Variants in CERS4 observed in about 807,000 individuals in gnomAD.
The protein encoded by CERS4 is LAG1 homolog, ceramide synthase 4.
Under a neutral mutation model 51.8 loss-of-function variants are expected in CERS4, and 65 were observed. The observed-to-expected ratio is 1.26, with a 90% CI of 1.03 to 1.54. The LOEUF is 1.54. Ranked by LOEUF, CERS4 falls within the 40% of genes most tolerant of loss-of-function variation. CERS4 has a pLI of 0.00. For synonymous variants in CERS4, 228 were observed against 208.4 expected, an observed-to-expected ratio of 1.09 and a Z score of -0.81; for missense variants, 563 against 500.4, an observed-to-expected ratio of 1.13 and a Z score of -1.19.
At chr19:8,223,759 C>T (rs1172337415) in intron 2 of CERS4, among the ~76,000 whole-genome samples, 1 of 152,040 alleles carries the variant, frequency 6.6e-6, no homozygotes, top group African/African-American at 2.4e-5. Context: ...GCACTCCAGC[C>T]TGGGCAACAA....
At chr19:8,245,526 T>C (rs1320388293) in intron 2 of CERS4, among the ~76,000 whole-genome samples, 2 of 151,150 alleles carry the variant, frequency 1.3e-5, no homozygotes, top group African/African-American at 4.9e-5. Context: ...GGGGTTATGG[T>C]ATTTTTATTT....
At chr19:8,238,708 C>A in intron 2 of CERS4, 1 of 547,700 alleles carries the variant, frequency 1.8e-6, no homozygotes, top group Non-Finnish European at 2.3e-6. Context: ...GGGAATGGTT[C>A]CAAGAAGATG....
chr19:8,261,159 A>C (rs1969678559), intron 10 of CERS4: 2 of 155,154 alleles, frequency 1.3e-5, no homozygotes, highest in African/African-American at 2.4e-5. Flanking sequence ...GTGGGAGACA[A>C]AGCCCCACCT....
intron 2 of CERS4, chr19:8,238,562 A>G (rs1443028403): frequency 1.0e-6 from 1 of 985,242 alleles, no homozygotes; most frequent in Non-Finnish European, 1.2e-6. Context: ...CAGAAGGGTA[A>G]GGAGGTGGAG....
rs149089779 is a variant in CERS4, at chr19:8,257,921, G to A, written c.784G>A (p.Asp262Asn). 454 of 1,614,016 alleles carry A rather than the reference G, an allele frequency of 2.8e-4. No individual in the cohort carries two copies. Among genetic ancestry groups the A allele is most frequent in the Middle Eastern group, 1.5e-3 (9 of 6,062 alleles). Residue 262 changes from aspartate (D) to asparagine (N), a missense_variant, in exon 10 of 12, where the codon GAC (aspartate) becomes AAC (asparagine). By Grantham distance (23) the Asp-to-Asn change is conservative (BLOSUM62 1). Transcript: ENST00000251363. ...CTACATGCAGTATCAGCAAGTGTGCGACGCTCTCTTCCTCATCTTCTCCTT... is the reference window on the plus strand; with the variant it reads ...CTACATGCAGTATCAGCAAGTGTGCAACGCTCTCTTCCTCATCTTCTCCTT... ...VNYMQYQQVC[D>N]ALFLIFSFVF...
At chr19:8,224,499 C>G (rs958127077) in intron 2 of CERS4, among the ~76,000 whole-genome samples, 2 of 151,728 alleles carry the variant, frequency 1.3e-5, no homozygotes, top group South Asian at 2.1e-4. Flanking sequence ...CCCAGCCCAG[C>G]GGCGATTGGT....
chr19:8,256,602 T>C lies in CERS4; in HGVS notation c.520-16T>C, dbSNP rs974673905. The C allele has an allele frequency of 4.1e-5, 66 of 1,606,144 alleles. No homozygotes were observed. Among genetic ancestry groups the C allele is most frequent in the Non-Finnish European group, 5.5e-5 (65 of 1,176,704 alleles). ...CCTTCGCTCCCCACAGCTAACCTTG[T>C]CCTGTCCTGCTGCAGACTCTGAAGC... On this transcript the variant is annotated splice_polypyrimidine_tract_variant and intron_variant, in intron 7 of 11. Transcript: ENST00000251363.
chr19:8,219,534 G>C lies in CERS4; in HGVS notation c.-2+8672G>C, dbSNP rs576620847. ...ATATATTTTAAAATTAGCTGGGTGAGGGCTGGGCACAGTGGCTTATGCCTG... is the reference window on the plus strand; with the variant it reads ...ATATATTTTAAAATTAGCTGGGTGACGGCTGGGCACAGTGGCTTATGCCTG... On this transcript the variant is annotated intron_variant, in intron 2 of 11. Coordinates refer to ENST00000251363, the MANE Select transcript of CERS4 (RefSeq NM_024552.3). Among the ~76,000 whole-genome samples, 5 of 151,934 alleles carry C rather than the reference G, an allele frequency of 3.3e-5. No homozygotes were observed. The South Asian group carries it at 1.0e-3, about 32-fold the overall frequency.
At chr19:8,236,526 A>G (rs553925460) in intron 2 of CERS4, among the ~76,000 whole-genome samples, 2 of 151,138 alleles carry the variant, frequency 1.3e-5, no homozygotes, top group African/African-American at 4.9e-5. Context: ...AAAAAGTACA[A>G]AAATTAGCTG....
chr19:8,255,473 C>T, intron 4 of CERS4, 134 bp from the exon 5 acceptor site: 1 of 775,830 alleles, frequency 1.3e-6, no homozygotes, highest in Non-Finnish European at 2.2e-6. Flanking sequence ...CACTGCCCCT[C>T]CATATAGACA....
intron 2 of CERS4, among the ~76,000 whole-genome samples, chr19:8,246,206 TAGG>T (rs897345439): frequency 1.3e-5 from 2 of 152,040 alleles, no homozygotes; most frequent in African/African-American, 4.8e-5. Flanking sequence ...ATATTTGTGA[TAGG>T]AGACTGGATT....
rs369662907 is a variant in CERS4 at position 8,235,991 on chromosome 19, C to T, written c.-1-15085C>T. On this transcript the variant is annotated intron_variant, in intron 2 of 11. Transcript: ENST00000251363. Reference sequence around the variant, plus strand: ...CGGGCAGATCACGAGGTCAGGAGATCAAGACCATCCTGGCTAACACGGTGA... The same window carrying T: ...CGGGCAGATCACGAGGTCAGGAGATTAAGACCATCCTGGCTAACACGGTGA... Among the ~76,000 whole-genome samples, 76 of 152,002 alleles carry T rather than the reference C, an allele frequency of 5.0e-4. 2 individuals carry two copies. The South Asian group carries it at 0.015, about 29-fold the overall frequency.
intron 2 of CERS4, among the ~76,000 whole-genome samples, chr19:8,230,779 T>A (rs1312571836): frequency 6.6e-6 from 1 of 152,222 alleles, no homozygotes; most frequent in Non-Finnish European, 1.5e-5. Flanking sequence ...AAACAGTGAA[T>A]TTTTAAATTT....
chr19:8,215,199 C>T (rs1967246713), intron 2 of CERS4, among the ~76,000 whole-genome samples: 1 of 152,002 alleles, frequency 6.6e-6, no homozygotes, highest in Non-Finnish European at 1.5e-5. Flanking sequence ...AGCAGCAGGG[C>T]CAGGCGCGGT....
intron 2 of CERS4, among the ~76,000 whole-genome samples, chr19:8,240,273 C>A (rs1319475655): frequency 2.0e-5 from 3 of 152,056 alleles, no homozygotes; most frequent in Non-Finnish European, 2.9e-5. Context: ...AAATAAGGGG[C>A]TCAGGTAAGG....
intron 2 of CERS4, among the ~76,000 whole-genome samples, chr19:8,235,851 G>A (rs1037744669): frequency 2.6e-5 from 4 of 151,648 alleles, no homozygotes; most frequent in African/African-American, 4.8e-5. Flanking sequence ...AGCTGTGATC[G>A]TGCCACTGTA....
chr19:8,260,469 G>C (rs1326733856), intron 10 of CERS4, among the ~76,000 whole-genome samples: 2 of 148,806 alleles, frequency 1.3e-5, no homozygotes, highest in Non-Finnish European at 3.0e-5. Context: ...ACCTCCCAAA[G>C]TGCTGGGATT....
intron 10 of CERS4, among the ~76,000 whole-genome samples, chr19:8,258,388 G>T (rs1318204348): frequency 6.6e-6 from 1 of 152,168 alleles, no homozygotes; most frequent in Non-Finnish European, 1.5e-5. Flanking sequence ...TGCACAGCAT[G>T]CGAAGGAGAG....
chr19:8,218,865 C>CA (rs1798387788), intron 2 of CERS4, among the ~76,000 whole-genome samples: 1 of 152,188 alleles, frequency 6.6e-6, no homozygotes, highest in African/African-American at 2.4e-5. Context: ...GTGTGCTCTG[C>CA]AGGGGCTCTC....
Sources: gnomAD v4.1 joint callset for allele counts (sites outside exome capture counted in the v4.1 genomes callset) on GRCh38, gnomAD v4.1.1 for gene constraint, MANE v1.5 for transcripts, NCBI Gene and HGNC (gene_info 2026-07-23, HGNC 2026-07-21) for gene names.